The following CEP152 variants were observed in gnomAD, a reference collection of about 807,000 sequenced individuals.
CEP152 encodes centrosomal protein of 152 kDa.
Under a neutral mutation model 188.9 loss-of-function variants are expected in CEP152, and 132 were observed. The ratio of observed to expected loss-of-function variants is 0.70; its 90% CI spans 0.61 to 0.81. CEP152 has a LOEUF of 0.81. CEP152 is among the 30% of genes least tolerant of loss of function. The pLI is 0.00. For synonymous variants in CEP152, 649 were observed against 666.6 expected, an observed-to-expected ratio of 0.97 and a Z score of 0.41; for missense variants, 1,914 against 1,969.8, an observed-to-expected ratio of 0.97 and a Z score of 0.54.
At chr15:48,746,265 T>G (rs1893413974) in intron 22 of CEP152, among the ~76,000 whole-genome samples, 1 of 152,184 alleles carries the variant, frequency 6.6e-6, no homozygotes, top group African/African-American at 2.4e-5. Flanking sequence ...CTTCGATTAT[T>G]TGCAAGTCTA....
chr15:48,766,751 G>A (rs1595638097), intron 17 of CEP152, among the ~76,000 whole-genome samples: 1 of 151,380 alleles, frequency 6.6e-6, no homozygotes, highest in Admixed American at 6.6e-5. Context: ...CCGAAAATGA[G>A]GATCTGTGAT....
downstream of CEP152, among the ~76,000 whole-genome samples, chr15:48,733,388 G>A (rs1402504749): frequency 1.3e-5 from 2 of 152,128 alleles, no homozygotes; most frequent in African/African-American, 4.8e-5. Flanking sequence ...AAGTTCAATA[G>A]CTGAAATGAA....
At chr15:48,765,746 C>T (rs1340677960) in intron 17 of CEP152, 4 of 350,978 alleles carry the variant, frequency 1.1e-5, no homozygotes, top group South Asian at 6.7e-5. Flanking sequence ...CTCCGCCTCC[C>T]GGGTTCACGC....
chr15:48,733,600 A>G (rs1892497675), downstream of CEP152, among the ~76,000 whole-genome samples: 1 of 152,204 alleles, frequency 6.6e-6, no homozygotes, highest in African/African-American at 2.4e-5. Context: ...GAAAAAAATA[A>G]TTGAAGAAAT....
rs368708700 is a variant in CEP152, at chr15:48,770,987, G to A, written c.1782+1500C>T. Among the ~76,000 whole-genome samples the A allele has an allele frequency of 1.2e-4, 18 of 152,262 alleles. 1 individual carries two copies. In the East Asian group the frequency reaches 2.1e-3, roughly 18 times the overall value. On this transcript the variant is annotated intron_variant, in intron 13 of 26. Transcript: ENST00000380950. The stretch of plus-strand genomic sequence containing the variant: ...TAGGAGATAAAACAGTACTAAAGAA[G>A]GAAGTAAACAATTATCTCCACCCAG...
At chr15:48,752,980 G>A (rs1485442414) in intron 20 of CEP152, among the ~76,000 whole-genome samples, 1 of 152,172 alleles carries the variant, frequency 6.6e-6, no homozygotes, top group Non-Finnish European at 1.5e-5. Flanking sequence ...CAGTAATTTT[G>A]TAAGGAAGGC....
Position 48,762,586 on chromosome 15 carries a change from T to TAAAGACCTAAA in CEP152, c.2366_2367insTTTAGGTCTTT (p.Leu789PhefsTer5), listed in dbSNP as rs1419216103. 2 of 1,614,092 alleles carry TAAAGACCTAAA rather than the reference T, an allele frequency of 1.2e-6. No individual in the cohort carries two copies. Among genetic ancestry groups the TAAAGACCTAAA allele is most frequent in the South Asian group, 2.2e-5 (2 of 91,088 alleles). On this transcript the variant is annotated frameshift_variant, in exon 18 of 27. Coordinates refer to ENST00000380950, the MANE Select transcript of CEP152 (RefSeq NM_001194998.2). LOFTEE classifies it high-confidence loss of function. ...CTTGGTCAGTTTGGCTGCCACAATC[T>TAAAGACCTAAA]AAGGTCTTCTTTTTCATTGCCTTTA...
intron 6 of CEP152, among the ~76,000 whole-genome samples, chr15:48,793,736 T>A (rs1209492024): frequency 6.6e-6 from 1 of 152,210 alleles, no homozygotes; most frequent in Non-Finnish European, 1.5e-5. Flanking sequence ...AAAAATATAG[T>A]TCTTACAGTG....
At chr15:48,743,071 C>A (rs905729148) in intron 24 of CEP152, among the ~76,000 whole-genome samples, 1 of 152,172 alleles carries the variant, frequency 6.6e-6, no homozygotes, top group African/African-American at 2.4e-5. Context: ...CACATACATA[C>A]AAGTTATCAC....
chr15:48,772,621 C>T lies in CEP152; in HGVS notation c.1648G>A (p.Val550Ile). The stretch of plus-strand genomic sequence containing the variant: ...GAGTTGCTACCCAGCAAACGCTGTA[C>T]TTCTGCCTTTAACTTCAGAATGAAC... ...DEFILKLKAE[V>I]QRLLGSNSMK... The change falls in exon 13 of 27, where the codon GTA becomes ATA. Residue 550 changes from valine (V) to isoleucine (I), a missense_variant. Coordinates refer to ENST00000380950, the MANE Select transcript of CEP152 (RefSeq NM_001194998.2). 1 of 1,614,126 alleles carries T rather than the reference C, an allele frequency of 6.2e-7. No individual in the cohort carries two copies. The highest frequency in any genetic ancestry group is 8.5e-7 in the Non-Finnish European group (1 of 1,180,004).
intron 12 of CEP152, among the ~76,000 whole-genome samples, chr15:48,780,298 A>G (rs1180127648): frequency 6.6e-6 from 1 of 152,188 alleles, no homozygotes; most frequent in African/African-American, 2.4e-5. Context: ...AAACTAGAAT[A>G]ATACCATCTA....
At chr15:48,739,338 G>C (rs190162256) in intron 26 of CEP152, 50 bp from the exon 27 acceptor site, 1 of 1,541,186 alleles carries the variant, frequency 6.5e-7, no homozygotes, top group Non-Finnish European at 8.7e-7. Flanking sequence ...ATATTTAAAG[G>C]GAAGATTCAT....
chr15:48,796,627 T>C (rs756468066), intron 5 of CEP152, among the ~76,000 whole-genome samples: 3 of 152,106 alleles, frequency 2.0e-5, no homozygotes, highest in Non-Finnish European at 4.4e-5. Context: ...TCTACGGAGA[T>C]AGAATTAAGA....
Position 48,760,159 on chromosome 15 carries a change from C to T in CEP152, c.2670G>A (p.Gln890=), listed in dbSNP as rs1208071019. 2.5e-6 allele frequency: 4 copies of T among 1,614,042 alleles called. No individual in the cohort carries two copies. The highest frequency in any genetic ancestry group is 2.2e-5 in the East Asian group (1 of 44,866). Residue 890 remains glutamine, a synonymous_variant, in exon 19 of 27, where the codon CAG becomes CAA. Transcript: ENST00000380950. The part of the protein sequence containing the change: ...VKAEQKKWEE[Q]HEVSVNKRIS... Reference sequence around the variant, plus strand: ...CCCTTTTGTTCACAGAGACCTCATGCTGTTCTTCCCACTTTTTCTGTTCTG... The same window carrying T: ...CCCTTTTGTTCACAGAGACCTCATGTTGTTCTTCCCACTTTTTCTGTTCTG...
chr15:48,741,821 A>C, intron 25 of CEP152, 117 bp from the exon 26 acceptor site: 3 of 1,609,024 alleles, frequency 1.9e-6, no homozygotes, highest in Non-Finnish European at 2.5e-6. Flanking sequence ...CACAGCCATA[A>C]ACCTCTCTTA....
At chr15:48,754,343 A>T (rs554411790) in intron 20 of CEP152, among the ~76,000 whole-genome samples, 27 of 152,266 alleles carry the variant, frequency 1.8e-4, no homozygotes, top group African/African-American at 6.3e-4. Context: ...TGTATATATT[A>T]ATGGTAGGAG....
intron 17 of CEP152, chr15:48,765,667 T>TTTTTTTG (rs1566996429): frequency 5.0e-6 from 2 of 396,226 alleles, no homozygotes; most frequent in African/African-American, 5.0e-5. Flanking sequence ...TTTTTTTTTT[T>TTTTTTTG]TTGAGAGACG....
chr15:48,781,392 C>T (rs1015344411), intron 11 of CEP152, 33 bp from the exon 12 acceptor site: 3 of 1,534,560 alleles, frequency 2.0e-6, no homozygotes, highest in African/African-American at 2.7e-5. Context: ...ATAATTTTCA[C>T]TATTTTCCTA....
chr15:48,749,027 T>C (rs972052828), intron 21 of CEP152, among the ~76,000 whole-genome samples: 1 of 152,014 alleles, frequency 6.6e-6, no homozygotes, highest in Non-Finnish European at 1.5e-5. Flanking sequence ...TACTCAAAAA[T>C]ACAGGCATGT....
Sources: gnomAD v4.1 joint callset for allele counts (sites outside exome capture counted in the v4.1 genomes callset) on GRCh38, gnomAD v4.1.1 for gene constraint, MANE v1.5 for transcripts, NCBI Gene and HGNC (gene_info 2026-07-23, HGNC 2026-07-21) for gene names.